The following CDH12 variants were observed in gnomAD, a reference collection of about 807,000 sequenced individuals.
CDH12 encodes the protein cadherin 12.
In CDH12, 41 loss-of-function variants were observed where a neutral mutation model predicts 74.1. That is an observed-to-expected ratio of 0.55 (90% confidence interval 0.43 to 0.72). The LOEUF (loss-of-function observed/expected upper bound fraction) is 0.72, where lower values mean the gene tolerates loss of function less well. Ranked by LOEUF, CDH12 falls within the 30% of genes least tolerant of loss-of-function variation. The pLI is 0.00. For missense variants in CDH12, 945 were observed against 977.2 expected (o/e 0.97, Z 0.44); for synonymous variants, 399 against 355.0 (o/e 1.12, Z -1.39).
chr5:22,682,493 A>T (rs1741546595), intron 1 of CDH12, among the ~76,000 whole-genome samples: 1 of 152,218 alleles, frequency 6.6e-6, no homozygotes, highest in Non-Finnish European at 1.5e-5. Context: ...TAACTTGTAT[A>T]CAACAGAGAT....
intron 6 of CDH12, among the ~76,000 whole-genome samples, chr5:21,970,260 G>A (rs1009877250): frequency 1.3e-5 from 2 of 152,156 alleles, no homozygotes; most frequent in Admixed American, 1.3e-4. Context: ...CTGTCTTCAA[G>A]CTTCTGAAAA....
rs191686026 is a variant in CDH12, at chr5:22,676,572, C to T, written c.-522-171208G>A. On this transcript the variant is annotated intron_variant, in intron 1 of 14. Coordinates refer to ENST00000382254, the MANE Select transcript of CDH12 (RefSeq NM_004061.5). The stretch of plus-strand genomic sequence containing the variant: ...CTGGTCAGACACATGCTGTTTTTAA[C>T]ATCAACATTTCAACAAAGGCATGTA... Among the ~76,000 whole-genome samples the T allele has an allele frequency of 2.9e-3, 442 of 152,268 alleles. 7 individuals carry two copies. Among genetic ancestry groups the T allele is most frequent in the Middle Eastern group, 3.4e-3 (1 of 294 alleles).
chr5:22,383,368 A>G (rs1741852012), intron 3 of CDH12, among the ~76,000 whole-genome samples: 1 of 152,208 alleles, frequency 6.6e-6, no homozygotes. Flanking sequence ...ATCCAAAATG[A>G]CTTAGAAAAG....
chr5:22,515,543 A>G (rs1347576108), intron 1 of CDH12, among the ~76,000 whole-genome samples: 4 of 152,060 alleles, frequency 2.6e-5, no homozygotes, highest in Non-Finnish European at 5.9e-5. Flanking sequence ...ATGCTTAAGT[A>G]TTTCCCATTA....
intron 2 of CDH12, among the ~76,000 whole-genome samples, chr5:22,485,072 A>C (rs1348445714): frequency 1.3e-5 from 2 of 152,206 alleles, no homozygotes; most frequent in Non-Finnish European, 2.9e-5. Context: ...TTCTACATTG[A>C]TATTTCAATG....
At chr5:22,173,950 T>C (rs1749190325) in intron 4 of CDH12, among the ~76,000 whole-genome samples, 1 of 151,954 alleles carries the variant, frequency 6.6e-6, no homozygotes, top group Non-Finnish European at 1.5e-5. Context: ...CAAACATGTT[T>C]GGCCAGGAAT....
intron 6 of CDH12, among the ~76,000 whole-genome samples, chr5:21,911,446 T>C (rs1280551727): frequency 6.6e-6 from 1 of 152,120 alleles, no homozygotes; most frequent in East Asian, 1.9e-4. Context: ...AGGGCTATTA[T>C]ATGAAATAAT....
At chr5:21,949,170 A>G (rs1390397011) in intron 6 of CDH12, among the ~76,000 whole-genome samples, 1 of 152,148 alleles carries the variant, frequency 6.6e-6, no homozygotes, top group East Asian at 1.9e-4. Context: ...CATATTTTTT[A>G]TTGTTATTGT....
intron 12 of CDH12, among the ~76,000 whole-genome samples, chr5:21,762,809 C>G (rs1337277912): frequency 2.7e-5 from 4 of 150,362 alleles, no homozygotes; most frequent in Non-Finnish European, 4.4e-5. Context: ...TGGAGCATTA[C>G]AAATGAAATT....
intron 6 of CDH12, among the ~76,000 whole-genome samples, chr5:21,932,608 G>A (rs1003503201): frequency 6.6e-6 from 1 of 151,806 alleles, no homozygotes; most frequent in Non-Finnish European, 1.5e-5. Flanking sequence ...AAAAATAAAA[G>A]AGACTAGCAA....
At chr5:22,098,247 C>A (rs554159919) in intron 4 of CDH12, among the ~76,000 whole-genome samples, 2 of 152,296 alleles carry the variant, frequency 1.3e-5, no homozygotes, top group South Asian at 4.1e-4. Flanking sequence ...GCCCAAATTT[C>A]TTCCTCATCT....
At position 21,862,035 on chromosome 5, in the gene CDH12, GTTATT is replaced by G. The variant is rs1278833780; in HGVS notation, c.527-7250_527-7246del. On this transcript the variant is annotated intron_variant, in intron 6 of 14. Transcript: ENST00000382254. Reference sequence around the variant, plus strand: ...CTTTATTTGGTTTCATTTTTATGTGGTTATTTTAAATGGTTTTCTTTCGTGTGAAT... The same window carrying G: ...CTTTATTTGGTTTCATTTTTATGTGGTTAAATGGTTTTCTTTCGTGTGAAT... Among the ~76,000 whole-genome samples the G allele has an allele frequency of 2.6e-5, 4 of 151,542 alleles. No individual in the cohort carries two copies. In the Admixed American group the frequency reaches 2.6e-4, roughly 10 times the overall value.
intron 3 of CDH12, among the ~76,000 whole-genome samples, chr5:22,286,488 A>G (rs1363177440): frequency 2.6e-5 from 4 of 152,192 alleles, no homozygotes; most frequent in Admixed American, 1.3e-4. Flanking sequence ...GTCGGGTTTC[A>G]TCTTCTGCAA....
chr5:22,481,089 T>C (rs1165319283), intron 2 of CDH12, among the ~76,000 whole-genome samples: 1 of 152,348 alleles, frequency 6.6e-6, no homozygotes, highest in South Asian at 2.1e-4. Flanking sequence ...TATTTGATTA[T>C]TGTTTTCAGC....
At chr5:22,220,536 A>G (rs1019135797) in intron 3 of CDH12, among the ~76,000 whole-genome samples, 2 of 151,474 alleles carry the variant, frequency 1.3e-5, no homozygotes, top group African/African-American at 4.8e-5. Flanking sequence ...CTTGATTGGC[A>G]TTGTTATTTT....
chr5:21,850,326 G>A (rs1456259352), intron 7 of CDH12, among the ~76,000 whole-genome samples: 2 of 151,362 alleles, frequency 1.3e-5, no homozygotes, highest in East Asian at 1.9e-4. Flanking sequence ...GGAGCCAGGG[G>A]TAGTTGGGGG....
chr5:22,627,420 A>G (rs1238955366), intron 1 of CDH12, among the ~76,000 whole-genome samples: 4 of 148,428 alleles, frequency 2.7e-5, no homozygotes, highest in Non-Finnish European at 5.9e-5. Flanking sequence ...TCCAGGAGGG[A>G]TTGTGTGCCT....
At chr5:22,431,945 G>T (rs1168609802) in intron 2 of CDH12, among the ~76,000 whole-genome samples, 1 of 151,972 alleles carries the variant, frequency 6.6e-6, no homozygotes, top group Non-Finnish European at 1.5e-5. Flanking sequence ...TATTGTTTAA[G>T]AACAAAAATA....
At chr5:22,304,484 A>G (rs771021860) in intron 3 of CDH12, among the ~76,000 whole-genome samples, 6 of 152,220 alleles carry the variant, frequency 3.9e-5, no homozygotes, top group Non-Finnish European at 5.9e-5. Context: ...CAATCTATTA[A>G]CTAATGAAAT....
Sources: gnomAD v4.1 joint callset for allele counts (sites outside exome capture counted in the v4.1 genomes callset) on GRCh38, gnomAD v4.1.1 for gene constraint, MANE v1.5 for transcripts, NCBI Gene and HGNC (gene_info 2026-07-23, HGNC 2026-07-21) for gene names.